MDN1: variants seen among roughly 807,000 people sequenced by gnomAD.
The protein encoded by MDN1 is midasin.
MDN1 carries 266 observed loss-of-function variants against 669.2 expected under a neutral mutation model. The ratio of observed to expected loss-of-function variants is 0.40; its 90% CI spans 0.36 to 0.44. The LOEUF is 0.44. Among genes scored for constraint, MDN1 ranks in the 20% least tolerant of loss-of-function variants. The probability of loss-of-function intolerance (pLI) is 1.00; values close to 1 mark genes in which losing one functional copy is unlikely to be tolerated. For synonymous variants in MDN1, 2,385 were observed against 2,457.1 expected, an observed-to-expected ratio of 0.97 and a Z score of 0.87; for missense variants, 5,940 against 6,754.0, an observed-to-expected ratio of 0.88 and a Z score of 4.22.
chr6:89,789,911 T>A lies in MDN1; in HGVS notation c.1099A>T (p.Met367Leu), dbSNP rs777704300. Residue 367 changes from methionine (M) to leucine (L), a missense_variant and splice_region_variant, in exon 7 of 102, where the codon ATG (methionine) becomes TTG (leucine). This residue lies in a region of MDN1 where 1,203 missense variants were observed against 1,268.9 expected (regional missense o/e 0.95). Coordinates refer to ENST00000369393, the MANE Select transcript of MDN1 (RefSeq NM_014611.3). ...VQLGDQTDSK[M>L]LLGMYRCTDV... ...GTGCAGCGATACATCCCCAAAAGCA[T>A]CTGCAGAAAGAAGATAAAGTAATTA... 3.7e-6 allele frequency: 6 copies of A among 1,608,494 alleles called. No homozygotes were observed. Among genetic ancestry groups the A allele is most frequent in the Non-Finnish European group, 4.2e-6 (5 of 1,178,318 alleles).
intron 78 of MDN1, 99 bp from the exon 79 acceptor site, chr6:89,674,688 G>C: frequency 6.9e-7 from 1 of 1,446,090 alleles, no homozygotes; most frequent in African/African-American, 1.4e-5. Flanking sequence ...ACAAGCATGG[G>C]CTTTTTCATA....
intron 72 of MDN1, 100 bp from the exon 73 acceptor site, chr6:89,683,430 C>T: frequency 3.3e-6 from 3 of 909,572 alleles, no homozygotes; most frequent in Non-Finnish European, 5.0e-6. Flanking sequence ...TAATCTAATA[C>T]CCTGTACCTT....
At chr6:89,714,403 A>G in intron 46 of MDN1, 140 bp downstream of exon 46, 1 of 817,934 alleles carries the variant, frequency 1.2e-6, no homozygotes, top group Non-Finnish European at 1.8e-6. Context: ...GGGTGTCTGG[A>G]AATCCACATT....
chr6:89,772,289 A>C (rs1018685567), intron 14 of MDN1, among the ~76,000 whole-genome samples: 18 of 152,202 alleles, frequency 1.2e-4, no homozygotes, highest in Non-Finnish European at 1.5e-5. Context: ...AAAGAATAAA[A>C]ATAAAAAGAA....
In MDN1 at chr6:89,751,413, AG is replaced by A; in HGVS notation, c.3227+17del. 6.2e-7 allele frequency: 1 copy of A among 1,614,036 alleles called. No individual in the cohort carries two copies. The highest frequency in any genetic ancestry group is 8.5e-7 in the Non-Finnish European group (1 of 1,179,960). ...TGCCTGTATCAAGTTCGGGGCAGCG[AG>A]AAAAAAGCCCACACACCCTGCAGAG... On this transcript the variant is annotated intron_variant, in intron 23 of 101. Transcript: ENST00000369393.
chr6:89,748,342 T>C (rs760147270), intron 26 of MDN1, among the ~76,000 whole-genome samples: 1 of 152,020 alleles, frequency 6.6e-6, no homozygotes, highest in Non-Finnish European at 1.5e-5. Flanking sequence ...AAACAAAAAG[T>C]AATGCAAATG....
Position 89,772,584 on chromosome 6 carries a change from G to A in MDN1, c.2072C>T (p.Ala691Val). Reference sequence around the variant, plus strand: ...CCTCTAGGGATTACCTGTAATGTGAGCCAAGTATTGGATGGTAGAGGTTTT... The same window carrying A: ...CCTCTAGGGATTACCTGTAATGTGAACCAAGTATTGGATGGTAGAGGTTTT... ...TGKTSTIQYL[A>V]HITGHRLRVV... Residue 691 changes from alanine (A) to valine (V), a missense_variant, in exon 14 of 102, where the codon GCT (alanine) becomes GTT (valine). Ala to Val is a moderately conservative substitution (Grantham distance 64, BLOSUM62 0). Coordinates refer to ENST00000369393, the MANE Select transcript of MDN1 (RefSeq NM_014611.3). 3 of 1,614,046 alleles carry A rather than the reference G, an allele frequency of 1.9e-6. No homozygotes were observed. The highest frequency in any genetic ancestry group is 2.5e-6 in the Non-Finnish European group (3 of 1,179,984).
chr6:89,788,080 T>A (rs1283062286), intron 7 of MDN1, 123 bp from the exon 8 acceptor site: 6 of 832,628 alleles, frequency 7.2e-6, no homozygotes, highest in Non-Finnish European at 1.1e-5. Flanking sequence ...GCTCTCATAG[T>A]CCAAACTGGG....
intron 19 of MDN1, among the ~76,000 whole-genome samples, chr6:89,757,214 A>G (rs1817298798): frequency 6.6e-6 from 1 of 152,194 alleles, no homozygotes; most frequent in South Asian, 2.1e-4. Flanking sequence ...ATTTTTTCCC[A>G]AATGTTACAT....
chr6:89,709,196 C>T (rs1813717607), intron 50 of MDN1, among the ~76,000 whole-genome samples: 1 of 152,058 alleles, frequency 6.6e-6, no homozygotes, highest in South Asian at 2.1e-4. Flanking sequence ...TGTGAAAACC[C>T]AAGGAAGGGA....
In MDN1 at chr6:89,750,335, A is replaced by C. The variant is rs765848485; in HGVS notation, c.3406+19T>G. On this transcript the variant is annotated intron_variant, in intron 24 of 101. Transcript: ENST00000369393. ...AAAGAATAAACACCTATGTCCATGG[A>C]ATGGAATCTTAACCCTACCTTCCTT... 6.3e-7 allele frequency: 1 copy of C among 1,584,976 alleles called. No individual in the cohort carries two copies. The highest frequency in any genetic ancestry group is 8.7e-7 in the Non-Finnish European group (1 of 1,155,762).
Position 89,776,431 on chromosome 6 carries a change from C to T in MDN1, c.1821+169G>A, listed in dbSNP as rs191662207. Among the ~76,000 whole-genome samples, 17 of 152,232 alleles carry T rather than the reference C, an allele frequency of 1.1e-4. No individual in the cohort carries two copies. The East Asian group carries it at 1.4e-3, about 12-fold the overall frequency. The stretch of plus-strand genomic sequence containing the variant: ...AGCCGAGATGGCGCCATTGCACTCG[C>T]GCCATTTGGGAGTTGTATGCCCACG... On this transcript the variant is annotated intron_variant, in intron 12 of 101. Transcript: ENST00000369393.
At chr6:89,744,238 T>C (rs1045920699) in intron 29 of MDN1, among the ~76,000 whole-genome samples, 1 of 150,914 alleles carries the variant, frequency 6.6e-6, no homozygotes, top group African/African-American at 2.4e-5. Flanking sequence ...AATCTCACTG[T>C]TTAAAAGAAC....
intron 5 of MDN1, 69 bp downstream of exon 5, chr6:89,793,693 G>T: frequency 7.4e-7 from 1 of 1,348,622 alleles, no homozygotes; most frequent in Non-Finnish European, 1.0e-6. Context: ...ATAGAACCCA[G>T]CCAAAGACAG....
chr6:89,785,018 C>T lies in MDN1; in HGVS notation c.1443G>A (p.Leu481=). The part of the protein sequence containing the change: ...IHLDNLDKRE[L]NEVLQSRYPS... ...CTTTCCAAGACCCACGTACCTCATT[C>T]AGTTCTCTCTTATCCAGGTTATCCA... Residue 481 remains leucine (L), a synonymous_variant, in exon 9 of 102, where the codon CTG becomes CTA. Transcript: ENST00000369393. 1 of 1,607,182 alleles carries T rather than the reference C, an allele frequency of 6.2e-7. No individual in the cohort carries two copies. The highest frequency in any genetic ancestry group is 8.5e-7 in the Non-Finnish European group (1 of 1,173,692).
chr6:89,714,559 G>C lies in MDN1; in HGVS notation c.7053C>G (p.Thr2351=). The C allele has an allele frequency of 6.2e-7, 1 of 1,609,466 alleles. No individual in the cohort carries two copies. Among genetic ancestry groups the C allele is most frequent in the African/African-American group, 1.3e-5 (1 of 74,882 alleles). Reference sequence around the variant, plus strand: ...GCACCTCACCTACAACAGTGCTCCGGGTCTCTGTGTGTAAAGCCAAGAGGA... The same window carrying C: ...GCACCTCACCTACAACAGTGCTCCGCGTCTCTGTGTGTAAAGCCAAGAGGA... The part of the protein sequence containing the change: ...CDILLALHTE[T]RSTVVGSPTS... The change falls in exon 46 of 102, where the codon ACC becomes ACG. Residue 2351 remains threonine, a synonymous_variant. Transcript: ENST00000369393.
intron 26 of MDN1, among the ~76,000 whole-genome samples, chr6:89,747,815 C>T (rs183611298): frequency 4.1e-5 from 6 of 148,120 alleles, no homozygotes; most frequent in Non-Finnish European, 5.9e-5. Flanking sequence ...CGCATGAACC[C>T]GGGAGGGGGA....
In MDN1 at chr6:89,781,437, G is replaced by A. The variant is rs1181656417; in HGVS notation, c.1605C>T (p.Asn535=). 6.2e-7 allele frequency: 1 copy of A among 1,613,940 alleles called. No homozygotes were observed. Among genetic ancestry groups the A allele is most frequent in the Admixed American group, 1.7e-5 (1 of 59,980 alleles). Residue 535 remains asparagine, a synonymous_variant, in exon 10 of 102, where the codon AAC becomes AAT. Coordinates refer to ENST00000369393, the MANE Select transcript of MDN1 (RefSeq NM_014611.3). ...CTCTTCCCTCAAGGGTTGGTCTTTT[G>A]TTTTCTCTTCTGGCTTCTGAAACTT... is the stretch of plus-strand genomic sequence containing the variant. ...PEEVSEARRE[N]KRPTLEGREL...
chr6:89,726,482 G>GAAAAAAAAAAAAAAA (rs201576721), intron 37 of MDN1, among the ~76,000 whole-genome samples: 1 of 90,954 alleles, frequency 1.1e-5, no homozygotes, highest in Non-Finnish European at 2.3e-5. Context: ...AAGAAAAATA[G>GAAAAAAAAAAAAAAA]AAAAAAAAAA....
Sources: gnomAD v4.1 joint callset for allele counts (sites outside exome capture counted in the v4.1 genomes callset) on GRCh38, gnomAD v4.1.1 for gene constraint, gnomAD v4.1.1 regional missense constraint, MANE v1.5 for transcripts, NCBI Gene and HGNC (gene_info 2026-07-23, HGNC 2026-07-21) for gene names.